The following UNC13B variants were observed in gnomAD, a reference collection of about 807,000 sequenced individuals.
UNC13B encodes unc-13 homolog B.
In UNC13B, 144 loss-of-function variants were observed where a neutral mutation model predicts 211.0. The ratio of observed to expected loss-of-function variants is 0.68; its 90% confidence interval spans 0.60 to 0.78. UNC13B has a LOEUF of 0.78. Ranked by LOEUF, UNC13B falls within the 30% of genes least tolerant of loss-of-function variation. UNC13B has a pLI of 0.00. For synonymous variants in UNC13B, 709 were observed against 725.8 expected, an observed-to-expected ratio of 0.98 and a Z score of 0.37; for missense variants, 1,777 against 2,002.0, an observed-to-expected ratio of 0.89 and a Z score of 2.14.
At chr9:35,378,865 C>G (rs1311954172) in intron 17 of UNC13B, among the ~76,000 whole-genome samples, 1 of 152,134 alleles carries the variant, frequency 6.6e-6, no homozygotes, top group African/African-American at 2.4e-5. Context: ...CTGGGTAATT[C>G]TGGCTTAAAA....
Position 35,306,901 on chromosome 9 carries a change from TGA to T in UNC13B, c.7498_7499del (p.Asp2500CysfsTer9), listed in dbSNP as rs1829952026. The T allele has an allele frequency of 2.5e-6, 1 of 398,974 alleles. No individual in the cohort carries two copies. Among genetic ancestry groups the T allele is most frequent in the African/African-American group, 2.1e-5 (1 of 48,642 alleles). 24.7% of individuals were successfully genotyped at this position (398,974 alleles called of 1,614,324 possible). ...AAAACTCCTTTTTCTCTCTTGCTTC[TGA>T]TGTATCATCTCAGCCCCTCAAAGGT... is the stretch of plus-strand genomic sequence containing the variant. Reference protein sequence around the residue: ...KKNSFFSLASDVSSQPLKGEL... With the variant: ...KKNSFFSLASXVSSQPLKGEL... On this transcript the variant is annotated frameshift_variant, in exon 9 of 40. Coordinates refer to ENST00000635942, the MANE Select transcript of UNC13B (RefSeq NM_001371189.2). LOFTEE classifies it high-confidence loss of function.
chr9:35,225,263 C>T (rs1449380786), intron 1 of UNC13B, among the ~76,000 whole-genome samples: 6 of 152,108 alleles, frequency 3.9e-5, no homozygotes, highest in South Asian at 2.1e-4. Context: ...CAGGCTCAAG[C>T]GAGTCTCCCA....
intron 1 of UNC13B, among the ~76,000 whole-genome samples, chr9:35,215,459 T>C (rs936988889): frequency 6.6e-6 from 1 of 152,218 alleles, no homozygotes; most frequent in African/African-American, 2.4e-5. Context: ...TTTAATTATG[T>C]CTAATATGTT....
intron 11 of UNC13B, among the ~76,000 whole-genome samples, chr9:35,357,390 CTATT>C (rs1243512469): frequency 1.3e-5 from 2 of 152,094 alleles, no homozygotes; most frequent in Admixed American, 1.3e-4. Flanking sequence ...GGAGTAATGT[CTATT>C]TAAGCCTTGG....
At chr9:35,242,295 G>A (rs1001452020) in intron 5 of UNC13B, among the ~76,000 whole-genome samples, 1 of 152,038 alleles carries the variant, frequency 6.6e-6, no homozygotes, top group Non-Finnish European at 1.5e-5. Context: ...TTTAATTGTG[G>A]TAAGAGACAT....
At chr9:35,224,459 A>C (rs1824727169) in intron 1 of UNC13B, among the ~76,000 whole-genome samples, 2 of 152,150 alleles carry the variant, frequency 1.3e-5, no homozygotes, top group Admixed American at 1.3e-4. Context: ...ATTATTACTG[A>C]TTTTTGTAGT....
chr9:35,384,974 A>G (rs1315744903), intron 22 of UNC13B: 1 of 938,644 alleles, frequency 1.1e-6, no homozygotes, highest in Non-Finnish European at 1.3e-6. Context: ...TTAAAGTCAA[A>G]AAGAAATGAG....
chr9:35,393,321 A>G (rs1835658876), intron 26 of UNC13B, among the ~76,000 whole-genome samples: 1 of 152,104 alleles, frequency 6.6e-6, no homozygotes, highest in African/African-American at 2.4e-5. Flanking sequence ...CTGAAGGGTA[A>G]TAAGATTTAG....
intron 30 of UNC13B, 106 bp downstream of exon 30, chr9:35,397,818 C>A: frequency 1.7e-6 from 2 of 1,168,516 alleles, no homozygotes; most frequent in East Asian, 2.5e-5. Flanking sequence ...ACTCCTGATG[C>A]CTGATTCCCA....
At chr9:35,299,227 C>T (rs778529420) in intron 8 of UNC13B, among the ~76,000 whole-genome samples, 7 of 150,710 alleles carry the variant, frequency 4.6e-5, no homozygotes, top group South Asian at 2.1e-4. Flanking sequence ...AGCAAAACTC[C>T]GTCTCAAAAA....
chr9:35,172,118 TCCTGCCTCCG>T (rs907363106), intron 1 of UNC13B, among the ~76,000 whole-genome samples: 9 of 151,724 alleles, frequency 5.9e-5, no homozygotes, highest in African/African-American at 2.2e-4. Flanking sequence ...CAAGGCCTCC[TCCTGCCTCCG>T]CCTCCCAAAG....
At chr9:35,186,298 G>C (rs530868108) in intron 1 of UNC13B, among the ~76,000 whole-genome samples, 1 of 151,960 alleles carries the variant, frequency 6.6e-6, no homozygotes, top group South Asian at 2.1e-4. Flanking sequence ...TGGCTTTCAC[G>C]GCTCCCTTAT....
chr9:35,212,364 G>C (rs1824014972), intron 1 of UNC13B, among the ~76,000 whole-genome samples: 1 of 152,198 alleles, frequency 6.6e-6, no homozygotes, highest in Admixed American at 6.5e-5. Flanking sequence ...CTTGAGGCTA[G>C]GAGTTGGAGA....
chr9:35,187,792 A>G (rs544572829), intron 1 of UNC13B, among the ~76,000 whole-genome samples: 1 of 152,312 alleles, frequency 6.6e-6, no homozygotes, highest in East Asian at 1.9e-4. Flanking sequence ...TGGATCTGTT[A>G]GAAAGTGGCA....
At chr9:35,299,468 A>G (rs1017842555) in intron 8 of UNC13B, among the ~76,000 whole-genome samples, 2 of 152,188 alleles carry the variant, frequency 1.3e-5, no homozygotes, top group South Asian at 2.1e-4. Context: ...ATCCCTTGAT[A>G]TATTTTGCTG....
At position 35,307,474 on chromosome 9, in the gene UNC13B, C is replaced by G. The variant is rs910004317; in HGVS notation, c.8070C>G (p.Asp2690Glu). The G allele has an allele frequency of 3.0e-5, 12 of 398,976 alleles. No homozygotes were observed. The highest frequency in any genetic ancestry group is 4.4e-5 in the Admixed American group (1 of 22,706). 24.7% of individuals were successfully genotyped at this position (398,976 alleles called of 1,614,324 possible). ...TTCAAACTGCCTCCACAAACCAAGA[C>G]TTACTGGAGCTGCATCCAGCCAGTT... The part of the protein sequence containing the change: ...PAIQTASTNQ[D>E]LLELHPASSL... Residue 2690 changes from aspartate (D) to glutamate (E), a missense_variant, in exon 9 of 40, where the codon GAC becomes GAG. By Grantham distance (45) the Asp-to-Glu change is conservative. Coordinates refer to ENST00000635942, the MANE Select transcript of UNC13B (RefSeq NM_001371189.2).
At chr9:35,321,027 T>C (rs779378487) in intron 11 of UNC13B, among the ~76,000 whole-genome samples, 2 of 152,170 alleles carry the variant, frequency 1.3e-5, no homozygotes, top group Admixed American at 6.5e-5. Context: ...TATTTTCTTA[T>C]ATAAGCTTTA....
intron 10 of UNC13B, among the ~76,000 whole-genome samples, chr9:35,311,923 C>T (rs947735255): frequency 3.9e-5 from 6 of 152,284 alleles, no homozygotes; most frequent in African/African-American, 1.2e-4. Flanking sequence ...ATCGGTTAGA[C>T]TAGCTGATAG....
At chr9:35,183,676 T>C (rs1346122652) in intron 1 of UNC13B, among the ~76,000 whole-genome samples, 11 of 102,136 alleles carry the variant, frequency 1.1e-4, no homozygotes, top group East Asian at 3.3e-4. Context: ...GCAGAGGCGC[T>C]CCTCACTTCC....
Sources: allele counts gnomAD v4.1 joint callset (sites outside exome capture counted in the v4.1 genomes callset), GRCh38; gene constraint gnomAD v4.1.1; transcripts MANE v1.5; gene names NCBI Gene and HGNC (gene_info 2026-07-23, HGNC 2026-07-21).